Variants in RFX7 observed in about 807,000 individuals in gnomAD.
RFX7 encodes regulatory factor X7, also known as DNA-binding protein RFX7.
RFX7 carries 26 observed loss-of-function variants against 111.8 expected under a neutral mutation model. That is an observed-to-expected ratio of 0.23 (90% CI 0.17 to 0.32). RFX7 has a LOEUF of 0.32. Ranked by LOEUF, RFX7 falls within the 10% of genes least tolerant of loss-of-function variation. The pLI, the probability that RFX7 is intolerant of heterozygous loss-of-function variation, is 1.00. For synonymous variants in RFX7, 624 were observed against 624.4 expected, an observed-to-expected ratio of 1.00 and a Z score of 0.01; for missense variants, 1,573 against 1,772.9, an observed-to-expected ratio of 0.89 and a Z score of 2.02.
intron 2 of RFX7, among the ~76,000 whole-genome samples, chr15:56,188,262 G>A (rs1476313793): frequency 1.3e-5 from 2 of 152,246 alleles, no homozygotes; most frequent in South Asian, 4.1e-4. Context: ...TATTGAATGT[G>A]AAGAAAAGAT....
chr15:56,169,117 T>C (rs746133833), intron 3 of RFX7, among the ~76,000 whole-genome samples: 19 of 152,154 alleles, frequency 1.2e-4, no homozygotes, highest in Non-Finnish European at 2.8e-4. Context: ...GAGTAGAACT[T>C]AGGCAAGTGA....
intron 8 of RFX7, among the ~76,000 whole-genome samples, chr15:56,100,158 T>C (rs190859245): frequency 3.5e-3 from 532 of 152,332 alleles, no homozygotes; most frequent in Non-Finnish European, 5.5e-3. Context: ...CCATTACTTA[T>C]GTGCCCATGG....
At chr15:56,198,186 A>T (rs1276422797) in intron 2 of RFX7, among the ~76,000 whole-genome samples, 2 of 152,118 alleles carry the variant, frequency 1.3e-5, no homozygotes, top group Non-Finnish European at 2.9e-5. Context: ...TTCTTAACTA[A>T]ATAATTTAGG....
At chr15:56,111,661 CAAA>C (rs371681721) in intron 5 of RFX7, among the ~76,000 whole-genome samples, 10 of 95,568 alleles carry the variant, frequency 1.0e-4, no homozygotes, top group South Asian at 4.0e-4. Context: ...ATAAATAAAC[CAAA>C]AAAAAAAAAA....
At chr15:56,243,034 TCCTCCGCTCCCCCCGC>T in intron 2 of RFX7, 75 bp downstream of exon 2, 1 of 745,184 alleles carries the variant, frequency 1.3e-6, no homozygotes, top group Non-Finnish European at 2.1e-6. Context: ...ATCAGCCTCC[TCCTCCGCTCCCCCCGC>T]CCGCCGCCCC....
chr15:56,192,433 A>T, intron 2 of RFX7: 1 of 220,408 alleles, frequency 4.5e-6, no homozygotes, highest in Non-Finnish European at 9.8e-6. Flanking sequence ...CTGGGCTGAA[A>T]TATGGGGTTC....
Position 56,092,103 on chromosome 15 carries a change from G to T in RFX7, c.*1242C>A, listed in dbSNP as rs1361355592. 1 of 152,538 alleles carries T rather than the reference G, an allele frequency of 6.6e-6. No homozygotes were observed. The highest frequency in any genetic ancestry group is 6.5e-5 in the Admixed American group (1 of 15,276). The allele number at this position is 152,538 out of a possible 1,614,324, so 9.4% of individuals were successfully genotyped here. On this transcript the variant is annotated 3_prime_UTR_variant, in exon 10 of 10. Coordinates refer to ENST00000559447, the MANE Select transcript of RFX7 (RefSeq NM_022841.7). ...TTCACAAAACAAAATGGGAGCCATA[G>T]AGAGAAACATTTTAAAACAAATCCT...
intron 2 of RFX7, among the ~76,000 whole-genome samples, chr15:56,238,716 T>C (rs2043651758): frequency 1.3e-5 from 2 of 152,224 alleles, no homozygotes; most frequent in South Asian, 4.1e-4. Flanking sequence ...GAATATTTTC[T>C]AAAATAAAAC....
Position 56,095,958 on chromosome 15 carries a change from T to C in RFX7, c.1770A>G (p.Ile590Met). ...QKPSNEGVIE[I>M]KATKVCDQRT... ...TCTGGTCACAGACCTTAGTTGCTTT[T>C]ATTTCAATGACACCTTCATTTGAAG... Residue 590 changes from isoleucine to methionine, a missense_variant, in exon 10 of 10, where the codon ATA becomes ATG. Ile to Met is a conservative substitution (Grantham distance 10). Around this residue, in one of 7 missense-constraint regions of RFX7, gnomAD observed 625 missense variants for 632.2 expected, o/e 0.99. Transcript: ENST00000559447. 1 of 1,609,080 alleles carries C rather than the reference T, an allele frequency of 6.2e-7. No homozygotes were observed. Among genetic ancestry groups the C allele is most frequent in the Non-Finnish European group, 8.5e-7 (1 of 1,179,676 alleles).
At chr15:56,230,378 C>T (rs1481502665) in intron 2 of RFX7, among the ~76,000 whole-genome samples, 3 of 152,186 alleles carry the variant, frequency 2.0e-5, no homozygotes, top group Non-Finnish European at 2.9e-5. Context: ...CTGAAACTCT[C>T]AACAAATGAT....
chr15:56,241,383 A>C (rs974946428), intron 2 of RFX7, among the ~76,000 whole-genome samples: 1 of 152,188 alleles, frequency 6.6e-6, no homozygotes, highest in Non-Finnish European at 1.5e-5. Flanking sequence ...TTATTTTAAA[A>C]CTATAAAGTG....
chr15:56,223,285 C>T (rs1596020334), intron 2 of RFX7, among the ~76,000 whole-genome samples: 3 of 152,284 alleles, frequency 2.0e-5, no homozygotes, highest in African/African-American at 7.2e-5. Flanking sequence ...AGCTCTCTTC[C>T]TTCCAGCAGA....
rs770761193 is a variant in RFX7 at position 56,095,069 on chromosome 15, T to C, written c.2659A>G (p.Ile887Val). The C allele has an allele frequency of 1.2e-6, 2 of 1,613,932 alleles. No homozygotes were observed. The highest frequency in any genetic ancestry group is 1.1e-5 in the South Asian group (1 of 91,078). ...TCCATAAGCACCAGCTCTTCCACAATACTATCTTGTGTAAGTTCATCATCA... is the reference window on the plus strand; with the variant it reads ...TCCATAAGCACCAGCTCTTCCACAACACTATCTTGTGTAAGTTCATCATCA... The part of the protein sequence containing the change: ...PFDDELTQDS[I>V]VEELVLMEQQ... Residue 887 changes from isoleucine to valine, a missense_variant, in exon 10 of 10, where the codon ATT (isoleucine) becomes GTT (valine). Coordinates refer to ENST00000559447, the MANE Select transcript of RFX7 (RefSeq NM_022841.7).
intron 3 of RFX7, among the ~76,000 whole-genome samples, chr15:56,155,421 A>G (rs1176147110): frequency 6.6e-6 from 1 of 152,228 alleles, no homozygotes; most frequent in African/African-American, 2.4e-5. Flanking sequence ...ACACCACGGA[A>G]TACTATACAG....
chr15:56,094,010 G>C lies in RFX7; in HGVS notation c.3718C>G (p.Leu1240Val). Reference sequence around the variant, plus strand: ...TTTTTACTGTTTGCTTGCTTCTGAAGAGCGTTTGGGAAGGCTGTCTGCATC... The same window carrying C: ...TTTTTACTGTTTGCTTGCTTCTGAACAGCGTTTGGGAAGGCTGTCTGCATC... ...VMMQTAFPNALQKQANSKKIT... is the reference protein window; with the variant it reads ...VMMQTAFPNAVQKQANSKKIT... Residue 1240 changes from leucine to valine, a missense_variant, in exon 10 of 10, where the codon CTT (leucine) becomes GTT (valine). Around this residue, in one of 7 missense-constraint regions of RFX7, gnomAD observed 411 missense variants for 478.1 expected, o/e 0.86. Transcript: ENST00000559447. 4 of 1,613,984 alleles carry C rather than the reference G, an allele frequency of 2.5e-6. No homozygotes were observed. The highest frequency in any genetic ancestry group is 3.4e-6 in the Non-Finnish European group (4 of 1,179,868).
intron 2 of RFX7, among the ~76,000 whole-genome samples, chr15:56,213,101 A>C (rs1308082727): frequency 6.6e-6 from 1 of 152,218 alleles, no homozygotes. Flanking sequence ...ATTCTGGAAA[A>C]GTTTTGCTAT....
chr15:56,093,304 A>T lies in RFX7; in HGVS notation c.*41T>A. 2.0e-6 allele frequency: 3 copies of T among 1,482,918 alleles called. No homozygotes were observed. Among genetic ancestry groups the T allele is most frequent in the Non-Finnish European group, 2.7e-6 (3 of 1,094,996 alleles). The allele number at this position is 1,482,918 out of a possible 1,614,324, so 91.9% of individuals were successfully genotyped here. ...TTCCATTAAGACAAATACAATACAT[A>T]TGTCTTTAGATACAGTGTGCTACAT... is the stretch of plus-strand genomic sequence containing the variant. On this transcript the variant is annotated 3_prime_UTR_variant, in exon 10 of 10. Coordinates refer to ENST00000559447, the MANE Select transcript of RFX7 (RefSeq NM_022841.7).
At chr15:56,103,714 A>T in intron 5 of RFX7, 44 bp from the exon 6 acceptor site, 1 of 1,163,790 alleles carries the variant, frequency 8.6e-7, no homozygotes, top group Non-Finnish European at 1.2e-6. Flanking sequence ...AGAATTCAGA[A>T]TTATATCGCA....
rs1248091749 is a variant in RFX7 at position 56,090,282 on chromosome 15, A to C, written c.*3063T>G. ...AGAAAAAGATGGCTTTTTGGACAAC[A>C]TAAAGTTCTATGCCATGCACCATTC... On this transcript the variant is annotated 3_prime_UTR_variant, in exon 10 of 10. Transcript: ENST00000559447. 1 of 152,238 alleles carries C rather than the reference A, an allele frequency of 6.6e-6. No individual in the cohort carries two copies. Among genetic ancestry groups the C allele is most frequent in the Non-Finnish European group, 1.5e-5 (1 of 68,032 alleles). The allele number at this position is 152,238 out of a possible 1,614,324, so 9.4% of individuals were successfully genotyped here.
Sources: allele counts gnomAD v4.1 joint callset (sites outside exome capture counted in the v4.1 genomes callset), GRCh38; gene constraint gnomAD v4.1.1; regional missense constraint gnomAD v4.1.1; transcripts MANE v1.5; gene names NCBI Gene and HGNC (gene_info 2026-07-23, HGNC 2026-07-21).